The following GLI2 variants were observed in gnomAD, a reference collection of about 807,000 sequenced individuals.
GLI2 encodes the protein GLI family zinc finger 2, also known as transcription activator GLI2.
In GLI2, 22 loss-of-function variants were observed where a neutral mutation model predicts 78.9. That is an observed-to-expected ratio of 0.28 (90% CI 0.20 to 0.40). The LOEUF (loss-of-function observed/expected upper bound fraction) is 0.40, where lower values mean the gene tolerates loss of function less well. GLI2 is among the 10% of genes least tolerant of loss of function. The probability of loss-of-function intolerance (pLI) is 1.00; values close to 1 mark genes in which losing one functional copy is unlikely to be tolerated. For missense variants in GLI2, 2,097 were observed against 2,213.2 expected, an observed-to-expected ratio of 0.95 and a Z score of 1.05; for synonymous variants, 974 against 963.7, an observed-to-expected ratio of 1.01 and a Z score of -0.20.
intron 2 of GLI2, among the ~76,000 whole-genome samples, chr2:120,827,597 G>A (rs547907682): frequency 5.9e-5 from 9 of 152,322 alleles, no homozygotes; most frequent in Non-Finnish European, 7.3e-5. Context: ...CATGTTCATA[G>A]CAGCCTTATT....
chr2:120,861,303 C>A (rs1031260229), intron 2 of GLI2, among the ~76,000 whole-genome samples: 1 of 152,166 alleles, frequency 6.6e-6, no homozygotes, highest in African/African-American at 2.4e-5. Flanking sequence ...TGGGTGCTGA[C>A]GTGAATATGA....
intron 2 of GLI2, among the ~76,000 whole-genome samples, chr2:120,804,319 G>T (rs1239146771): frequency 6.6e-6 from 1 of 152,130 alleles, no homozygotes; most frequent in Non-Finnish European, 1.5e-5. Context: ...GTCCTTGTGG[G>T]CAGGGCATTG....
chr2:120,966,580 A>G (rs1383122085), intron 5 of GLI2, among the ~76,000 whole-genome samples: 3 of 152,146 alleles, frequency 2.0e-5, no homozygotes, highest in African/African-American at 7.2e-5. Context: ...TGTCCTCTCT[A>G]TGCCTTGGAG....
chr2:120,792,117 A>C (rs1684178732), intron 1 of GLI2, among the ~76,000 whole-genome samples: 1 of 152,058 alleles, frequency 6.6e-6, no homozygotes, highest in Non-Finnish European at 1.5e-5. Flanking sequence ...CCTGTGAGTC[A>C]CTCGTTAGAG....
chr2:120,829,699 T>TGGGCCC (rs1558820875), intron 2 of GLI2, among the ~76,000 whole-genome samples: 1 of 152,184 alleles, frequency 6.6e-6, no homozygotes. Context: ...GCTGTAGCTG[T>TGGGCCC]GGGCCCGGGC....
chr2:120,988,141 C>A, intron 13 of GLI2, 67 bp from the exon 14 acceptor site: 1 of 1,443,308 alleles, frequency 6.9e-7, no homozygotes, highest in Non-Finnish European at 9.4e-7. Flanking sequence ...AGTGCGATGA[C>A]TGAGCACGGT....
intron 4 of GLI2, 93 bp from the exon 5 acceptor site, chr2:120,955,152 C>T (rs1681182215): frequency 3.3e-5 from 10 of 304,666 alleles, no homozygotes; most frequent in South Asian, 9.0e-5. Flanking sequence ...TTTCTCTCTG[C>T]CTTTTTTTTT....
chr2:120,779,120 T>C (rs920482557), intron 1 of GLI2, among the ~76,000 whole-genome samples: 7 of 152,216 alleles, frequency 4.6e-5, no homozygotes, highest in African/African-American at 1.7e-4. Context: ...CTGTGCACTG[T>C]CATGAGCCCG....
At chr2:120,929,713 T>A (rs1358361467) in intron 3 of GLI2, among the ~76,000 whole-genome samples, 1 of 152,222 alleles carries the variant, frequency 6.6e-6, no homozygotes, top group East Asian at 1.9e-4. Context: ...ACTTTTTGTT[T>A]TATTTCGGTG....
intron 2 of GLI2, among the ~76,000 whole-genome samples, chr2:120,851,410 C>T (rs540776951): frequency 5.5e-4 from 84 of 152,234 alleles, no homozygotes; most frequent in Non-Finnish European, 8.8e-4. Context: ...CCGTGGGCCC[C>T]CAGGGCCAGG....
chr2:120,742,319 T>G (rs1341276335), intron 1 of GLI2, among the ~76,000 whole-genome samples: 2 of 152,186 alleles, frequency 1.3e-5, no homozygotes, highest in African/African-American at 4.8e-5. Context: ...TAAAAGAGCG[T>G]CCCTGGGTCC....
rs1264996237 is a variant in GLI2, at chr2:120,989,230, G to A, written c.3265G>A (p.Gly1089Ser). The A allele has an allele frequency of 6.2e-7, 1 of 1,613,160 alleles. No individual in the cohort carries two copies. The highest frequency in any genetic ancestry group is 8.5e-7 in the Non-Finnish European group (1 of 1,180,026). ...NPRLPSPGLH[G>S]QRRMVAADSN... ...CAGACTACCCAGCCCGGGGCTGCAC[G>A]GCCAGCGCAGGATGGTGGCTGCGGA... Residue 1089 changes from glycine to serine, a missense_variant, in exon 14 of 14, where the codon GGC (glycine) becomes AGC (serine). By Grantham distance (56) the Gly-to-Ser change is moderately conservative. Coordinates refer to ENST00000361492, the MANE Select transcript of GLI2 (RefSeq NM_001374353.1).
In GLI2 at chr2:120,986,563, G is replaced by C; in HGVS notation, c.2191G>C (p.Gly731Arg). Reference sequence around the variant, plus strand: ...ACTCAAGGATTCCTGCTCATGGGCCGGGCCGACTCCACACACGCGGAACAC... The same window carrying C: ...ACTCAAGGATTCCTGCTCATGGGCCCGGCCGACTCCACACACGCGGAACAC... ...KSLKDSCSWAGPTPHTRNTKL... is the reference protein window; with the variant it reads ...KSLKDSCSWARPTPHTRNTKL... The change falls in exon 13 of 14, where the codon GGG becomes CGG. Residue 731 changes from glycine (G) to arginine (R), a missense_variant. This residue lies in a region of GLI2 where 1,290 missense variants were observed against 1,261.7 expected (regional missense o/e 1.02). Transcript: ENST00000361492. 1 of 1,614,130 alleles carries C rather than the reference G, an allele frequency of 6.2e-7. No homozygotes were observed. The highest frequency in any genetic ancestry group is 8.5e-7 in the Non-Finnish European group (1 of 1,180,022).
At chr2:120,794,979 G>T (rs958370159) in intron 1 of GLI2, among the ~76,000 whole-genome samples, 1 of 152,190 alleles carries the variant, frequency 6.6e-6, no homozygotes, top group African/African-American at 2.4e-5. Flanking sequence ...GGAGCTGACA[G>T]GAGCTGTGGA....
rs533222609 is a variant in GLI2 at position 120,835,973 on chromosome 2, A to C, written c.148+38505A>C. The stretch of plus-strand genomic sequence containing the variant: ...TCTGCCCTGGATGCAGACATTAGGG[A>C]GTGTGCATTGTTTATAGAGAATTCA... On this transcript the variant is annotated intron_variant, in intron 2 of 13. Coordinates refer to ENST00000361492, the MANE Select transcript of GLI2 (RefSeq NM_001374353.1). Among the ~76,000 whole-genome samples the C allele has an allele frequency of 2.5e-4, 38 of 152,210 alleles. No homozygotes were observed. In the South Asian group the frequency reaches 5.0e-3, roughly 20 times the overall value.
intron 4 of GLI2, among the ~76,000 whole-genome samples, chr2:120,953,327 A>G (rs2104957698): frequency 6.6e-6 from 1 of 152,332 alleles, no homozygotes; most frequent in South Asian, 2.1e-4. Flanking sequence ...ACAAGCAGGA[A>G]GCTGGCAGCC....
chr2:120,781,172 G>A (rs763974257), intron 1 of GLI2, among the ~76,000 whole-genome samples: 40 of 152,230 alleles, frequency 2.6e-4, no homozygotes, highest in African/African-American at 7.0e-4. Flanking sequence ...CTGGCCTGCA[G>A]TTGCTGCCTG....
intron 2 of GLI2, among the ~76,000 whole-genome samples, chr2:120,841,848 G>GGGGT (rs1553455507): frequency 0.012 from 1,536 of 132,690 alleles, 28 homozygotes; most frequent in African/African-American, 0.04. Flanking sequence ...CAGTCTGGAG[G>GGGGT]GTGTGTGTGT....
intron 1 of GLI2, among the ~76,000 whole-genome samples, chr2:120,753,870 C>A (rs150819808): frequency 0.048 from 7,189 of 148,894 alleles, 246 homozygotes; most frequent in Middle Eastern, 0.091. Context: ...GAGCCGAGAT[C>A]GCGCCACTGC....
Sources: gnomAD v4.1 joint callset for allele counts (sites outside exome capture counted in the v4.1 genomes callset) on GRCh38, gnomAD v4.1.1 for gene constraint, gnomAD v4.1.1 regional missense constraint, MANE v1.5 for transcripts, NCBI Gene and HGNC (gene_info 2026-07-23, HGNC 2026-07-21) for gene names.